MAPK10: variants seen among roughly 807,000 people sequenced by gnomAD.
MAPK10 encodes mitogen-activated protein kinase 10, also known as JNK3 alpha protein kinase.
Under a neutral mutation model 59.3 loss-of-function variants are expected in MAPK10, and 25 were observed. That is an observed-to-expected ratio of 0.42 (90% confidence interval 0.31 to 0.59). The LOEUF is 0.59. Ranked by LOEUF, MAPK10 falls within the 20% of genes least tolerant of loss-of-function variation. The probability of loss-of-function intolerance (pLI) is 0.15; values close to 1 mark genes in which losing one functional copy is unlikely to be tolerated. For synonymous variants in MAPK10, 190 were observed against 200.5 expected, an observed-to-expected ratio of 0.95 and a Z score of 0.44; for missense variants, 351 against 568.9, an observed-to-expected ratio of 0.62 and a Z score of 3.90.
At chr4:86,558,079 A>C (rs770747439) in intron 1 of MAPK10, among the ~76,000 whole-genome samples, 8 of 152,148 alleles carry the variant, frequency 5.3e-5, no homozygotes, top group Non-Finnish European at 1.0e-4. Flanking sequence ...ATACATACAG[A>C]GGTGAAACAA....
chr4:86,215,676 C>T (rs968036372), intron 2 of MAPK10, among the ~76,000 whole-genome samples: 1 of 152,120 alleles, frequency 6.6e-6, no homozygotes, highest in African/African-American at 2.4e-5. Context: ...TCATGGCCAA[C>T]ATGGTGAAAC....
At chr4:86,575,812 T>C (rs955522677) in intron 1 of MAPK10, among the ~76,000 whole-genome samples, 1 of 150,732 alleles carries the variant, frequency 6.6e-6, no homozygotes, top group Non-Finnish European at 1.5e-5. Context: ...TAGTAACTCA[T>C]TCTTAAACAC....
At chr4:86,123,472 T>C (rs966668666) in intron 4 of MAPK10, among the ~76,000 whole-genome samples, 11 of 152,058 alleles carry the variant, frequency 7.2e-5, no homozygotes, top group Admixed American at 2.6e-4. Context: ...AGGAACTGCA[T>C]ACTGTTTTCC....
In MAPK10 at chr4:86,126,487, A is replaced by G. The variant is rs552194572; in HGVS notation, c.237-19135T>C. Among the ~76,000 whole-genome samples, 224 of 152,150 alleles carry G rather than the reference A, an allele frequency of 1.5e-3. 1 individual carries two copies. The highest frequency in any genetic ancestry group is 4.9e-3 in the African/African-American group (203 of 41,530). ...TTGTTGCATGAAATTATATTCACTA[A>G]TGCCAAATGTTTATTTCCAAAGCTT... is the stretch of plus-strand genomic sequence containing the variant. On this transcript the variant is annotated intron_variant, in intron 4 of 13. Transcript: ENST00000641462.
intron 1 of MAPK10, among the ~76,000 whole-genome samples, chr4:86,431,418 T>A (rs1281845223): frequency 2.6e-5 from 4 of 152,220 alleles, no homozygotes; most frequent in African/African-American, 9.6e-5. Flanking sequence ...GAATGCCAGT[T>A]TGGCAGTTTA....
chr4:86,054,823 A>G (rs2044238964), intron 11 of MAPK10, among the ~76,000 whole-genome samples: 1 of 152,196 alleles, frequency 6.6e-6, no homozygotes, highest in East Asian at 1.9e-4. Context: ...TTTTCACAGC[A>G]TGACACATGC....
chr4:86,261,897 G>A lies in MAPK10; in HGVS notation c.-6-67490C>T, dbSNP rs114973707. Among the ~76,000 whole-genome samples the A allele has an allele frequency of 3.0e-3, 452 of 152,342 alleles. 2 individuals are homozygous for A. The highest frequency in any genetic ancestry group is 0.01 in the African/African-American group (436 of 41,580). On this transcript the variant is annotated intron_variant, in intron 2 of 13. Transcript: ENST00000641462. ...AGCAAAGACTTCACCATGCACTGCC[G>A]TGAGGGCTAGTTCCACAGAAGAGTA...
chr4:86,146,753 C>G (rs1021239459), intron 4 of MAPK10, among the ~76,000 whole-genome samples: 2 of 152,194 alleles, frequency 1.3e-5, no homozygotes, highest in Non-Finnish European at 2.9e-5. Context: ...ATGAGAAGAA[C>G]ACTTCTATTA....
chr4:86,071,457 A>C (rs2047942727), intron 9 of MAPK10, among the ~76,000 whole-genome samples: 1 of 140,920 alleles, frequency 7.1e-6, no homozygotes, highest in African/African-American at 2.8e-5. Context: ...TTGGACATGA[A>C]GTCCTTGCCC....
intron 1 of MAPK10, among the ~76,000 whole-genome samples, chr4:86,485,152 C>T (rs1027011841): frequency 3.3e-5 from 5 of 152,050 alleles, no homozygotes; most frequent in Non-Finnish European, 7.4e-5. Context: ...CTCCCTTTTA[C>T]TTTTTTCTTC....
chr4:86,037,589 T>G (rs1052577897), intron 11 of MAPK10, among the ~76,000 whole-genome samples: 24 of 152,202 alleles, frequency 1.6e-4, no homozygotes, highest in African/African-American at 5.5e-4. Flanking sequence ...TAATATTCAT[T>G]GAGTAAAATG....
At chr4:86,037,315 T>C (rs2040515085) in intron 11 of MAPK10, among the ~76,000 whole-genome samples, 18 of 152,106 alleles carry the variant, frequency 1.2e-4, no homozygotes, top group Admixed American at 1.2e-3. Flanking sequence ...GGTCAGGAGA[T>C]CGAGACCATC....
intron 2 of MAPK10, among the ~76,000 whole-genome samples, chr4:86,256,177 T>A (rs1028854016): frequency 2.6e-5 from 4 of 152,238 alleles, no homozygotes; most frequent in Admixed American, 6.5e-5. Context: ...ATTATAACAT[T>A]GTCTGTAGCT....
intron 2 of MAPK10, among the ~76,000 whole-genome samples, chr4:86,294,687 A>C (rs575747016): frequency 6.6e-6 from 1 of 152,300 alleles, no homozygotes; most frequent in East Asian, 1.9e-4. Flanking sequence ...AGGATAGGAA[A>C]AGCCTAACAA....
intron 1 of MAPK10, among the ~76,000 whole-genome samples, chr4:86,374,302 T>C (rs539651886): frequency 3.9e-5 from 6 of 152,092 alleles, no homozygotes; most frequent in Non-Finnish European, 7.4e-5. Context: ...AAATACCTAA[T>C]GTAGATGATG....
Position 86,170,817 on chromosome 4 carries a change from G to C in MAPK10, c.67-11350C>G, listed in dbSNP as rs868804971. Among the ~76,000 whole-genome samples the C allele has an allele frequency of 1.3e-3, 196 of 150,192 alleles. 1 individual carries two copies. The highest frequency in any genetic ancestry group is 4.6e-3 in the African/African-American group (183 of 39,926). On this transcript the variant is annotated intron_variant, in intron 3 of 13. Coordinates refer to ENST00000641462, the MANE Select transcript of MAPK10 (RefSeq NM_138982.4). ...CACCTATTCCAAAATTGACCACATA[G>C]TTGGAAGTAAAGCTCTCCTCAGCAA...
intron 1 of MAPK10, among the ~76,000 whole-genome samples, chr4:86,475,267 GA>G (rs1303596281): frequency 6.6e-6 from 1 of 152,216 alleles, no homozygotes; most frequent in East Asian, 1.9e-4. Context: ...CCTTCCTTGG[GA>G]GATCAATCCC....
chr4:86,463,311 A>G (rs537564996), intron 1 of MAPK10, among the ~76,000 whole-genome samples: 4 of 152,326 alleles, frequency 2.6e-5, no homozygotes, highest in Non-Finnish European at 4.4e-5. Flanking sequence ...TTGCATTTAC[A>G]ATTCCTGCAG....
At chr4:86,368,262 G>C (rs1009052621) in intron 1 of MAPK10, among the ~76,000 whole-genome samples, 8 of 152,100 alleles carry the variant, frequency 5.3e-5, no homozygotes, top group African/African-American at 1.7e-4. Flanking sequence ...AAAGTGTAGA[G>C]AATTCCCATA....
Sources: allele counts gnomAD v4.1 joint callset (sites outside exome capture counted in the v4.1 genomes callset), GRCh38; gene constraint gnomAD v4.1.1; transcripts MANE v1.5; gene names NCBI Gene and HGNC (gene_info 2026-07-23, HGNC 2026-07-21).